Variants in PCSK5 observed in about 807,000 individuals in gnomAD.
The protein encoded by PCSK5 is proprotein convertase subtilisin/kexin type 5.
PCSK5 carries 129 observed loss-of-function variants against 233.2 expected under a neutral mutation model. The ratio of observed to expected loss-of-function variants is 0.55; its 90% CI spans 0.48 to 0.64. The LOEUF (loss-of-function observed/expected upper bound fraction) is 0.64, where lower values mean the gene tolerates loss of function less well. Among genes scored for constraint, PCSK5 ranks in the 30% least tolerant of loss-of-function variants. PCSK5 has a pLI of 0.00. For missense variants in PCSK5, 2,076 were observed against 2,430.1 expected, an observed-to-expected ratio of 0.85 and a Z score of 3.06; for synonymous variants, 825 against 879.2, an observed-to-expected ratio of 0.94 and a Z score of 1.09.
chr9:76,002,640 A>C (rs1318509940), intron 3 of PCSK5, among the ~76,000 whole-genome samples: 2 of 152,202 alleles, frequency 1.3e-5, no homozygotes, highest in Non-Finnish European at 2.9e-5. Context: ...CAGAGGGTAC[A>C]TTTTTACAGC....
intron 6 of PCSK5, among the ~76,000 whole-genome samples, chr9:76,069,325 C>G (rs770273262): frequency 3.3e-5 from 5 of 152,036 alleles, no homozygotes; most frequent in Non-Finnish European, 5.9e-5. Flanking sequence ...CTCGCATACA[C>G]AGACACACAG....
intron 24 of PCSK5, among the ~76,000 whole-genome samples, chr9:76,280,554 C>T (rs1827832510): frequency 1.3e-5 from 2 of 152,016 alleles, no homozygotes; most frequent in South Asian, 4.2e-4. Flanking sequence ...CCAGCCTGGG[C>T]AACATGGGGA....
At chr9:76,151,503 T>A (rs886155266) in intron 10 of PCSK5, among the ~76,000 whole-genome samples, 2 of 152,174 alleles carry the variant, frequency 1.3e-5, no homozygotes, top group Non-Finnish European at 2.9e-5. Flanking sequence ...TTCACCCGAC[T>A]GCAGGAATGC....
intron 24 of PCSK5, chr9:76,288,204 T>C (rs920610566): frequency 6.6e-6 from 1 of 152,218 alleles, no homozygotes; most frequent in African/African-American, 2.4e-5. Context: ...TGACAGTATG[T>C]GATTCTCCTT....
At chr9:76,258,095 C>T (rs1827042168) in intron 24 of PCSK5, among the ~76,000 whole-genome samples, 2 of 152,072 alleles carry the variant, frequency 1.3e-5, no homozygotes, top group Admixed American at 6.6e-5. Context: ...AGAACAGTCC[C>T]CACTCAATCA....
intron 24 of PCSK5, among the ~76,000 whole-genome samples, chr9:76,246,713 G>A (rs1486245315): frequency 6.6e-6 from 1 of 152,174 alleles, no homozygotes; most frequent in African/African-American, 2.4e-5. Context: ...AATGAATGGG[G>A]TACATATACA....
At chr9:75,930,106 A>C (rs1264690114) in intron 1 of PCSK5, among the ~76,000 whole-genome samples, 1 of 152,058 alleles carries the variant, frequency 6.6e-6, no homozygotes, top group Non-Finnish European at 1.5e-5. Context: ...CAAGTGATCC[A>C]GCTATTTCGG....
intron 5 of PCSK5, among the ~76,000 whole-genome samples, chr9:76,043,961 T>C (rs1829254887): frequency 6.6e-6 from 1 of 152,106 alleles, no homozygotes; most frequent in Non-Finnish European, 1.5e-5. Flanking sequence ...CTATGTCCCA[T>C]CACACACATG....
At chr9:76,159,492 C>G (rs191398537) in intron 12 of PCSK5, among the ~76,000 whole-genome samples, 30 of 152,348 alleles carry the variant, frequency 2.0e-4, no homozygotes, top group African/African-American at 6.7e-4. Context: ...CATTAAGTAT[C>G]TGTTGTCATT....
chr9:76,022,933 C>T (rs1343230887), intron 3 of PCSK5, among the ~76,000 whole-genome samples: 1 of 152,106 alleles, frequency 6.6e-6, no homozygotes, highest in Non-Finnish European at 1.5e-5. Flanking sequence ...GTGTGGAGAA[C>T]CTGTTATTTT....
chr9:76,027,183 G>C (rs1587518054), intron 5 of PCSK5, 146 bp downstream of exon 5: 2 of 565,918 alleles, frequency 3.5e-6, no homozygotes, highest in East Asian at 6.1e-5. Context: ...TTCCACTGAA[G>C]CCTCTGAGTA....
chr9:76,068,050 GAA>G lies in PCSK5; in HGVS notation c.721+9_721+10del, dbSNP rs1402845541. On this transcript the variant is annotated splice_region_variant and intron_variant, in intron 6 of 37. Coordinates refer to ENST00000674117, the MANE Select transcript of PCSK5 (RefSeq NM_001372043.1). Reference sequence around the variant, plus strand: ...TTCAACGCCAAGATCGGAGGTATGGGAAACCAACTCACGTGGATGTAGAAATG... The same window carrying G: ...TTCAACGCCAAGATCGGAGGTATGGGACCAACTCACGTGGATGTAGAAATG... The G allele has an allele frequency of 6.2e-7, 1 of 1,605,508 alleles. No individual in the cohort carries two copies. Among genetic ancestry groups the G allele is most frequent in the Non-Finnish European group, 8.5e-7 (1 of 1,172,270 alleles).
chr9:76,011,185 A>G (rs1412144969), intron 3 of PCSK5, among the ~76,000 whole-genome samples: 1 of 152,238 alleles, frequency 6.6e-6, no homozygotes, highest in Non-Finnish European at 1.5e-5. Flanking sequence ...CTTGCTCATT[A>G]TACTCCAGGG....
At chr9:76,248,704 A>T (rs1226601335) in intron 24 of PCSK5, among the ~76,000 whole-genome samples, 1 of 152,240 alleles carries the variant, frequency 6.6e-6, no homozygotes, top group East Asian at 1.9e-4. Context: ...ACATAACATC[A>T]CTATTATCAG....
chr9:75,891,336 G>T lies in PCSK5; in HGVS notation c.155G>T (p.Arg52Leu). The T allele has an allele frequency of 6.4e-7, 1 of 1,563,798 alleles. No individual in the cohort carries two copies. Among genetic ancestry groups the T allele is most frequent in the Non-Finnish European group, 8.6e-7 (1 of 1,158,332 alleles). The change falls in exon 1 of 38, where the codon CGT becomes CTT. Residue 52 changes from arginine to leucine, a missense_variant. By Grantham distance (102) the Arg-to-Leu change is moderately radical. Coordinates refer to ENST00000674117, the MANE Select transcript of PCSK5 (RefSeq NM_001372043.1). ...GCCGGGGGCTTCCCGGAGGCCAACC[G>T]TATCGCCAGCAAGTACGGATTCATC... Reference protein sequence around the residue: ...KIAGGFPEANRIASKYGFINI... With the variant: ...KIAGGFPEANLIASKYGFINI...
intron 5 of PCSK5, among the ~76,000 whole-genome samples, chr9:76,032,243 T>G (rs1828680863): frequency 6.6e-6 from 1 of 152,198 alleles, no homozygotes; most frequent in Non-Finnish European, 1.5e-5. Context: ...ATGTCATACT[T>G]GCCTGCGTTT....
intron 30 of PCSK5, among the ~76,000 whole-genome samples, chr9:76,314,265 A>G (rs548353441): frequency 2.0e-4 from 30 of 152,230 alleles, no homozygotes; most frequent in Non-Finnish European, 3.5e-4. Flanking sequence ...CTTGAGCAGT[A>G]GGAAAGCTAC....
In PCSK5 at chr9:76,082,040, C is replaced by G. The variant is rs72734616; in HGVS notation, c.894+10142C>G. ...GCAAATCTTGTCATTTTTTTTTTCT[C>G]TTTAAAACTCATCATTGCTCCTTAT... On this transcript the variant is annotated intron_variant, in intron 7 of 37. Coordinates refer to ENST00000674117, the MANE Select transcript of PCSK5 (RefSeq NM_001372043.1). Among the ~76,000 whole-genome samples, 1,436 of 150,824 alleles carry G rather than the reference C, an allele frequency of 9.5e-3. 12 individuals are homozygous for G. Among genetic ancestry groups the G allele is most frequent in the South Asian group, 0.034 (162 of 4,740 alleles).
intron 5 of PCSK5, among the ~76,000 whole-genome samples, chr9:76,052,040 C>T (rs1160698404): frequency 2.0e-5 from 3 of 152,128 alleles, no homozygotes; most frequent in African/African-American, 7.2e-5. Context: ...ACACCAAAAA[C>T]TAATCATTTA....
Sources: gnomAD v4.1 joint callset for allele counts (sites outside exome capture counted in the v4.1 genomes callset) on GRCh38, gnomAD v4.1.1 for gene constraint, MANE v1.5 for transcripts, NCBI Gene and HGNC (gene_info 2026-07-23, HGNC 2026-07-21) for gene names.